The following BAIAP2 variants were observed in gnomAD, a reference collection of about 807,000 sequenced individuals.
BAIAP2 encodes the protein BAR/IMD domain containing adaptor protein 2.
In BAIAP2, 18 loss-of-function variants were observed where a neutral mutation model predicts 63.0. That is an observed-to-expected ratio of 0.29 (90% confidence interval 0.20 to 0.42). The LOEUF is 0.42. Ranked by LOEUF, BAIAP2 falls within the 10% of genes least tolerant of loss-of-function variation. The probability of loss-of-function intolerance (pLI) is 1.00; values close to 1 mark genes in which losing one functional copy is unlikely to be tolerated. For synonymous variants in BAIAP2, 386 were observed against 307.6 expected, an observed-to-expected ratio of 1.25 and a Z score of -2.67; for missense variants, 610 against 734.3, an observed-to-expected ratio of 0.83 and a Z score of 1.96.
chr17:81,088,868 A>C (rs531813218), intron 6 of BAIAP2, among the ~76,000 whole-genome samples: 26 of 152,334 alleles, frequency 1.7e-4, no homozygotes, highest in African/African-American at 6.3e-4. Context: ...AGGGCCGGAC[A>C]AAGGCAGAGG....
intron 3 of BAIAP2, among the ~76,000 whole-genome samples, chr17:81,075,824 C>T (rs537226767): frequency 2.0e-5 from 3 of 152,236 alleles, no homozygotes; most frequent in Admixed American, 6.5e-5. Flanking sequence ...ACTGCCCAGC[C>T]TTTGCACTGG....
chr17:81,114,623 C>T (rs2060307980), intron 13 of BAIAP2, among the ~76,000 whole-genome samples: 1 of 152,346 alleles, frequency 6.6e-6, no homozygotes, highest in East Asian at 1.9e-4. Flanking sequence ...GTCTCTTCCA[C>T]GTACTTTATT....
chr17:81,046,164 A>G lies in BAIAP2; in HGVS notation c.55-7504A>G, dbSNP rs1203641976. ...GGATGGTGTCTCTGCCTGGTTTGTC[A>G]CCGTCCCCCTTGGGATCCCGTTCTG... On this transcript the variant is annotated intron_variant, in intron 1 of 13. Transcript: ENST00000428708. This position sits in a 1 kb window ranked among gnomAD's most constrained non-coding sequence, Gnocchi z 4.5. Among the ~76,000 whole-genome samples, 1 of 151,916 alleles carries G rather than the reference A, an allele frequency of 6.6e-6. No homozygotes were observed. Among genetic ancestry groups the G allele is most frequent in the African/African-American group, 2.4e-5 (1 of 41,310 alleles).
chr17:81,091,343 C>T (rs548872453), intron 6 of BAIAP2, among the ~76,000 whole-genome samples: 21 of 152,200 alleles, frequency 1.4e-4, no homozygotes, highest in East Asian at 7.7e-4. Flanking sequence ...GAAGCAGAGA[C>T]CTCTTCACCG....
At chr17:81,083,304 A>G (rs925663742) in intron 3 of BAIAP2, 14 of 152,248 alleles carry the variant, frequency 9.2e-5, no homozygotes, top group African/African-American at 3.4e-4. Flanking sequence ...AGAGGAGGAA[A>G]GTCCTGCTTC....
In BAIAP2 at chr17:81,103,588, C is replaced by T; in HGVS notation, c.729C>T (p.Leu243=). The T allele has an allele frequency of 2.5e-6, 4 of 1,604,726 alleles. No homozygotes were observed. Among genetic ancestry groups the T allele is most frequent in the Middle Eastern group, 3.3e-4 (2 of 6,058 alleles). Residue 243 remains leucine (L), a synonymous_variant, in exon 8 of 14, where the codon CTC becomes CTT. Coordinates refer to ENST00000428708, the MANE Select transcript of BAIAP2 (RefSeq NM_001144888.2). Reference sequence around the variant, plus strand: ...AGATCCCGGAGCGCGCGGTGCAGCTCATGCAGCAGGTGGCCAGCAACGGCG... The same window carrying T: ...AGATCCCGGAGCGCGCGGTGCAGCTTATGCAGCAGGTGGCCAGCAACGGCG... The part of the protein sequence containing the change: ...PSKIPERAVQ[L]MQQVASNGAT...
At position 81,086,067 on chromosome 17, in the gene BAIAP2, C is replaced by T. The variant is rs1056345750; in HGVS notation, c.351+342C>T. On this transcript the variant is annotated intron_variant, in intron 5 of 13. Coordinates refer to ENST00000428708, the MANE Select transcript of BAIAP2 (RefSeq NM_001144888.2). ...CCCTGGGCTCTCGGCCCGTCCTGCC[C>T]CACCGCCACTCCTGTCCGCTGGCAG... Among the ~76,000 whole-genome samples the T allele has an allele frequency of 2.6e-5, 4 of 152,262 alleles. No homozygotes were observed. In the East Asian group the frequency reaches 5.8e-4, roughly 22 times the overall value.
intron 13 of BAIAP2, chr17:81,110,520 G>T: frequency 1.8e-6 from 2 of 1,090,216 alleles, no homozygotes; most frequent in Non-Finnish European, 2.2e-6. Flanking sequence ...TGCACGAGTT[G>T]GGTATGGACC....
In BAIAP2 at chr17:81,105,211, G is replaced by C. The variant is rs1055398808; in HGVS notation, c.1268+496G>C. 3 of 166,372 alleles carry C rather than the reference G, an allele frequency of 1.8e-5. No homozygotes were observed. The Admixed American group carries it at 1.8e-4, about 10-fold the overall frequency. The allele number at this position is 166,372 out of a possible 1,614,324, so 10.3% of individuals were successfully genotyped here. A position where few individuals can be genotyped will look rare whatever the true frequency, so the allele number is the denominator to read the frequency against. Reference sequence around the variant, plus strand: ...CAATGGCTCGGGTCTCCCCCACATGGCTGTTGTCTTCCCCCATGGCTGGGG... The same window carrying C: ...CAATGGCTCGGGTCTCCCCCACATGCCTGTTGTCTTCCCCCATGGCTGGGG... On this transcript the variant is annotated intron_variant, in intron 10 of 13. Coordinates refer to ENST00000428708, the MANE Select transcript of BAIAP2 (RefSeq NM_001144888.2).
Position 81,103,973 on chromosome 17 carries a change from AGCCCGTGG to A in BAIAP2, c.934_941del (p.Pro312Ter), listed in dbSNP as rs1159048944. ...CACAGGCCCGGATGGCGAGGACTAC[AGCCCGTGG>A]GCTGACCGCAAGGCTGCCCAGCCCA... On this transcript the variant is annotated frameshift_variant, in exon 9 of 14. Coordinates refer to ENST00000428708, the MANE Select transcript of BAIAP2 (RefSeq NM_001144888.2). LOFTEE classifies it high-confidence loss of function. 6.2e-7 allele frequency: 1 copy of A among 1,613,110 alleles called. No individual in the cohort carries two copies. Among genetic ancestry groups the A allele is most frequent in the Non-Finnish European group, 8.5e-7 (1 of 1,180,020 alleles).
intron 1 of BAIAP2, among the ~76,000 whole-genome samples, chr17:81,037,894 C>G (rs2046503136): frequency 6.6e-6 from 1 of 152,248 alleles, no homozygotes; most frequent in Non-Finnish European, 1.5e-5. Context: ...ATTTTCTTCC[C>G]CGTAAGAATC....
intron 1 of BAIAP2, among the ~76,000 whole-genome samples, chr17:81,048,164 C>T (rs943362839): frequency 2.0e-5 from 3 of 152,198 alleles, no homozygotes; most frequent in African/African-American, 7.2e-5. Flanking sequence ...GCGGGCGGAT[C>T]GCTTGAGGTC....
Position 81,115,846 on chromosome 17 carries a change from C to T in BAIAP2, c.*7C>T, listed in dbSNP as rs770401249. On this transcript the variant is annotated 3_prime_UTR_variant, in exon 14 of 14. Transcript: ENST00000428708. ...TGCCCCCCTCCTCAGCTGATGGCCA[C>T]ATCTGCAGTGCTGCCCATCTGGTGG... 1.9e-6 allele frequency: 3 copies of T among 1,613,286 alleles called. No homozygotes were observed. The highest frequency in any genetic ancestry group is 2.5e-6 in the Non-Finnish European group (3 of 1,180,012).
At chr17:81,103,355 C>T (rs1446661176) in intron 7 of BAIAP2, 147 bp from the exon 8 acceptor site, 17 of 739,174 alleles carry the variant, frequency 2.3e-5, no homozygotes, top group African/African-American at 5.3e-5. Context: ...CAGAGGCTCA[C>T]GGGTGGCCTG....
At chr17:81,061,530 C>A (rs988332693) in intron 3 of BAIAP2, among the ~76,000 whole-genome samples, 1 of 152,182 alleles carries the variant, frequency 6.6e-6, no homozygotes, top group African/African-American at 2.4e-5. Context: ...TACGGCGTGT[C>A]TTCTTTTTTT....
At chr17:81,095,405 C>T (rs906801749) in intron 6 of BAIAP2, among the ~76,000 whole-genome samples, 1 of 152,202 alleles carries the variant, frequency 6.6e-6, no homozygotes, top group African/African-American at 2.4e-5. Flanking sequence ...TCCTCTCCTC[C>T]CCGTCCCCGC....
intron 6 of BAIAP2, among the ~76,000 whole-genome samples, chr17:81,092,716 G>A (rs1039673507): frequency 5.3e-5 from 8 of 152,240 alleles, no homozygotes; most frequent in African/African-American, 1.7e-4. Context: ...CTTGGGCAGC[G>A]GCACCTTCAC....
At chr17:81,042,417 A>C (rs2047213680) in intron 1 of BAIAP2, among the ~76,000 whole-genome samples, 1 of 151,918 alleles carries the variant, frequency 6.6e-6, no homozygotes, top group South Asian at 2.1e-4. Flanking sequence ...TGGCCTCCCA[A>C]AGTGCTGGGA....
At chr17:81,086,131 G>A (rs1166251935) in intron 5 of BAIAP2, among the ~76,000 whole-genome samples, 2 of 142,430 alleles carry the variant, frequency 1.4e-5, no homozygotes, top group Non-Finnish European at 3.1e-5. Context: ...GGGTTTGAGG[G>A]TCACCTCTGG....
Sources: allele counts gnomAD v4.1 joint callset (sites outside exome capture counted in the v4.1 genomes callset), GRCh38; gene constraint gnomAD v4.1.1; non-coding constraint Gnocchi (gnomAD v3.1); transcripts MANE v1.5; gene names NCBI Gene and HGNC (gene_info 2026-07-23, HGNC 2026-07-21).